EIF4G1: variants seen among roughly 807,000 people sequenced by gnomAD.
EIF4G1 encodes the protein EIF4-gamma.
Under a neutral mutation model 187.8 loss-of-function variants are expected in EIF4G1, and 4 were observed. The ratio of observed to expected loss-of-function variants is 0.02; its 90% CI spans 0.01 to 0.05. EIF4G1 has a LOEUF of 0.05. Ranked by LOEUF, EIF4G1 falls within the 10% of genes least tolerant of loss-of-function variation. EIF4G1 has a pLI of 1.00. For synonymous variants in EIF4G1, 844 were observed against 781.4 expected, an observed-to-expected ratio of 1.08 and a Z score of -1.34; for missense variants, 1,647 against 2,081.1, an observed-to-expected ratio of 0.79 and a Z score of 4.06.
rs780052712 is a variant in EIF4G1, at chr3:184,323,542, G to T, written c.2223G>T (p.Thr741=). The T allele has an allele frequency of 1.5e-5, 25 of 1,614,062 alleles. No individual in the cohort carries two copies. Among genetic ancestry groups the T allele is most frequent in the Non-Finnish European group, 2.0e-5 (24 of 1,180,054 alleles). ...EKAWKPSSKR[T]AADKDRGEED... ...CCTGGAAACCCAGCAGCAAGCGGAC[G>T]GCGGCTGATAAGGATCGAGGGGAAG... The change falls in exon 15 of 33, where the codon ACG becomes ACT. Residue 741 remains threonine, a synonymous_variant. Coordinates refer to ENST00000346169, the MANE Select transcript of EIF4G1 (RefSeq NM_198241.3). The surrounding 1 kb of genome is among the most constrained non-coding windows in gnomAD (Gnocchi z 6.9).
In EIF4G1 at chr3:184,327,434, G is replaced by A. The variant is rs34086109; in HGVS notation, c.3647G>A (p.Arg1216His). Residue 1216 changes from arginine to histidine, a missense_variant, in exon 24 of 33, where the codon CGT becomes CAT. This residue lies in a region of EIF4G1 where 543 missense variants were observed against 638.0 expected (regional missense o/e 0.85). Coordinates refer to ENST00000346169, the MANE Select transcript of EIF4G1 (RefSeq NM_198241.3). Reference sequence around the variant, plus strand: ...GCTAGCCTCACGGAGGATCGGGACCGTGGGCGGGATGCCGGTGAGAGTCTG... The same window carrying A: ...GCTAGCCTCACGGAGGATCGGGACCATGGGCGGGATGCCGGTGAGAGTCTG... ...KAASLTEDRD[R>H]GRDAVKREAA... is the part of the protein sequence containing the mutation. 1,106 of 1,613,540 alleles carry A rather than the reference G, an allele frequency of 6.9e-4. 6 individuals carry two copies. In the African/African-American group the frequency reaches 0.013, roughly 20 times the overall value.
In EIF4G1 at chr3:184,334,989, G is replaced by C. The variant is rs1251477176; in HGVS notation, c.*81G>C. On this transcript the variant is annotated 3_prime_UTR_variant, in exon 33 of 33. Coordinates refer to ENST00000346169, the MANE Select transcript of EIF4G1 (RefSeq NM_198241.3). The surrounding 1 kb of genome is among the most constrained non-coding windows in gnomAD (Gnocchi z 5.8). ...CCGCCTGGACTGCAGGGGGGCGGCAGCAGCGGCGGTGGCAGTGGGTGCCTG... is the reference window on the plus strand; with the variant it reads ...CCGCCTGGACTGCAGGGGGGCGGCACCAGCGGCGGTGGCAGTGGGTGCCTG... 2 of 1,574,492 alleles carry C rather than the reference G, an allele frequency of 1.3e-6. No homozygotes were observed. The highest frequency in any genetic ancestry group is 1.7e-6 in the Non-Finnish European group (2 of 1,154,218).
chr3:184,325,094 C>T lies in EIF4G1; in HGVS notation c.2836C>T (p.Leu946=), dbSNP rs541694718. The T allele has an allele frequency of 6.2e-7, 1 of 1,614,100 alleles. No homozygotes were observed. The highest frequency in any genetic ancestry group is 2.2e-5 in the East Asian group (1 of 44,872). The part of the protein sequence containing the change: ...CRLLTTIGKD[L]DFEKAKPRMD... ...TCTGCTCACCACCATTGGCAAAGAC[C>T]TGGACTTTGAAAAAGCCAAGGTAGA... Residue 946 remains leucine (L), a synonymous_variant, in exon 18 of 33, where the codon CTG becomes TTG. Coordinates refer to ENST00000346169, the MANE Select transcript of EIF4G1 (RefSeq NM_198241.3). The surrounding 1 kb of genome is among the most constrained non-coding windows in gnomAD (Gnocchi z 5.2).
chr3:184,319,546 T>C (rs1478956357), intron 6 of EIF4G1, 143 bp from the exon 7 acceptor site: 12 of 680,316 alleles, frequency 1.8e-5, no homozygotes, highest in Non-Finnish European at 3.0e-5. Context: ...CCTAATTCCC[T>C]GGGGGAGGAG....
intron 6 of EIF4G1, 73 bp downstream of exon 6, chr3:184,317,889 G>T: frequency 8.7e-7 from 1 of 1,150,944 alleles, no homozygotes; most frequent in Non-Finnish European, 1.3e-6. Flanking sequence ...GATTTCTAAA[G>T]CAGAAGACCC....
Position 184,323,275 on chromosome 3 carries a change from A to C in EIF4G1, c.2088+34A>C. 1 of 1,613,564 alleles carries C rather than the reference A, an allele frequency of 6.2e-7. No individual in the cohort carries two copies. Among genetic ancestry groups the C allele is most frequent in the South Asian group, 1.1e-5 (1 of 91,066 alleles). On this transcript the variant is annotated intron_variant, in intron 14 of 32. Transcript: ENST00000346169. This position sits in a 1 kb window ranked among gnomAD's most constrained non-coding sequence, Gnocchi z 6.9. ...GGCTGGGTAAAGTGGCAGGTGGGCA[A>C]GGAGTGGGAGTGGATGATTCCGTGT... is the stretch of plus-strand genomic sequence containing the variant.
At position 184,317,702 on chromosome 3, in the gene EIF4G1, C is replaced by A; in HGVS notation, c.325-15C>A. On this transcript the variant is annotated splice_polypyrimidine_tract_variant and intron_variant, in intron 5 of 32. Coordinates refer to ENST00000346169, the MANE Select transcript of EIF4G1 (RefSeq NM_198241.3). The stretch of plus-strand genomic sequence containing the variant: ...TCCCTCAACTCCTTCTCTCCCTCTC[C>A]CCCTTCCCCACCAGGGGCGTTCCAC... The A allele has an allele frequency of 6.2e-7, 1 of 1,609,406 alleles. No homozygotes were observed. The highest frequency in any genetic ancestry group is 8.5e-7 in the Non-Finnish European group (1 of 1,175,788).
In EIF4G1 at chr3:184,331,139, G is replaced by A. The variant is rs554403298; in HGVS notation, c.4162-127G>A. 33 of 1,000,056 alleles carry A rather than the reference G, an allele frequency of 3.3e-5. No individual in the cohort carries two copies. In the South Asian group the frequency reaches 4.1e-4, roughly 12 times the overall value. 61.9% of individuals were successfully genotyped at this position (1,000,056 alleles called of 1,614,324 possible). ...GGCTTTGCCTATTAGTATTTCTATAGCATCCTTAATGCCTAGCAAGTACCT... is the reference window on the plus strand; with the variant it reads ...GGCTTTGCCTATTAGTATTTCTATAACATCCTTAATGCCTAGCAAGTACCT... On this transcript the variant is annotated intron_variant, in intron 28 of 32. Transcript: ENST00000346169.
In EIF4G1 at chr3:184,323,610, C is replaced by T. The variant is rs182757568; in HGVS notation, c.2274+17C>T. Reference sequence around the variant, plus strand: ...AAAACCCAGGTACTGGCAAGTCCTGCTTTTGGTCTCTCTCCATTTCTTCTC... The same window carrying T: ...AAAACCCAGGTACTGGCAAGTCCTGTTTTTGGTCTCTCTCCATTTCTTCTC... On this transcript the variant is annotated intron_variant, in intron 15 of 32. Transcript: ENST00000346169. The surrounding 1 kb of genome is among the most constrained non-coding windows in gnomAD (Gnocchi z 6.9). 1.1e-4 allele frequency: 171 copies of T among 1,613,794 alleles called. 1 individual carries two copies. In the East Asian group the frequency reaches 3.5e-3, roughly 33 times the overall value.
chr3:184,317,093 G>C (rs1325671376), intron 4 of EIF4G1, among the ~76,000 whole-genome samples: 1 of 152,218 alleles, frequency 6.6e-6, no homozygotes, highest in Non-Finnish European at 1.5e-5. Flanking sequence ...CAGTGAGAGA[G>C]TAAATCTCTG....
chr3:184,327,726 T>C (rs1725211231), intron 25 of EIF4G1, 22 bp downstream of exon 25: 1 of 1,613,652 alleles, frequency 6.2e-7, no homozygotes, highest in Admixed American at 1.7e-5. Context: ...GAGCGGCGTG[T>C]GATTGAGGAG....
At position 184,316,143 on chromosome 3, in the gene EIF4G1, C is replaced by A. The variant is rs1722736854; in HGVS notation, c.72C>A (p.Pro24=). ...TCTCCCCTCTTCAGCCAGCGTTTCCCCCGGGGCAGACAGCGCCGGTGGTGT... is the reference window on the plus strand; with the variant it reads ...TCTCCCCTCTTCAGCCAGCGTTTCCACCGGGGCAGACAGCGCCGGTGGTGT... ...PSPGLPQPAF[P]PGQTAPVVFS... is the part of the protein sequence containing the mutation. The change falls in exon 4 of 33, where the codon CCC becomes CCA. Residue 24 remains proline, a synonymous_variant. Coordinates refer to ENST00000346169, the MANE Select transcript of EIF4G1 (RefSeq NM_198241.3). 1 of 1,614,050 alleles carries A rather than the reference C, an allele frequency of 6.2e-7. No homozygotes were observed. Among genetic ancestry groups the A allele is most frequent in the African/African-American group, 1.3e-5 (1 of 74,934 alleles).
chr3:184,326,833 T>C, intron 22 of EIF4G1, 48 bp from the exon 23 acceptor site: 2 of 1,610,236 alleles, frequency 1.2e-6, no homozygotes, highest in South Asian at 1.1e-5. Context: ...GGGGATAAAA[T>C]GCAGGAAAGG....
Position 184,327,258 on chromosome 3 carries a change from A to T in EIF4G1, c.3471A>T (p.Arg1157=). 6.2e-7 allele frequency: 1 copy of T among 1,613,354 alleles called. No homozygotes were observed. Among genetic ancestry groups the T allele is most frequent in the East Asian group, 2.2e-5 (1 of 44,888 alleles). The change falls in exon 24 of 33, where the codon CGA becomes CGT. Residue 1157 remains arginine, a synonymous_variant. Coordinates refer to ENST00000346169, the MANE Select transcript of EIF4G1 (RefSeq NM_198241.3). ...SRERGEKAGD[R]GDRLERSERG... ...AACGAGGCGAGAAAGCTGGAGACCG[A>T]GGAGACCGCCTAGAGCGGAGTGAAC...
intron 10 of EIF4G1, 34 bp downstream of exon 10, chr3:184,322,137 G>A: frequency 6.2e-7 from 1 of 1,613,974 alleles, no homozygotes; most frequent in Non-Finnish European, 8.5e-7. Context: ...GGTAGGGCGG[G>A]CTAGGGGATA....
Position 184,328,141 on chromosome 3 carries a change from T to C in EIF4G1, c.3953+139T>C, listed in dbSNP as rs1725307894. 63 of 1,013,270 alleles carry C rather than the reference T, an allele frequency of 6.2e-5. 1 individual carries two copies. In the South Asian group the frequency reaches 7.9e-4, roughly 13 times the overall value. 62.8% of individuals were successfully genotyped at this position (1,013,270 alleles called of 1,614,324 possible). On this transcript the variant is annotated intron_variant, in intron 26 of 32. Transcript: ENST00000346169. The stretch of plus-strand genomic sequence containing the variant: ...GCTTATGCCTGTAATCCCTGCACTT[T>C]GGGAGGCCAAGGTGGGTTGGATTCC...
At position 184,323,062 on chromosome 3, in the gene EIF4G1, C is replaced by G. The variant is rs761310317; in HGVS notation, c.1930-21C>G. 7 of 1,614,080 alleles carry G rather than the reference C, an allele frequency of 4.3e-6. No individual in the cohort carries two copies. The African/African-American group carries it at 6.7e-5, about 15-fold the overall frequency. On this transcript the variant is annotated intron_variant, in intron 13 of 32. Transcript: ENST00000346169. This position sits in a 1 kb window ranked among gnomAD's most constrained non-coding sequence, Gnocchi z 6.9. Reference sequence around the variant, plus strand: ...AACCGCTCTAGCCTGCTTCTGAGACCTTTTCCTGTCCTCTTTGCAGGCCAA... The same window carrying G: ...AACCGCTCTAGCCTGCTTCTGAGACGTTTTCCTGTCCTCTTTGCAGGCCAA...
rs373468961 is a variant in EIF4G1, at chr3:184,331,454, G to C, written c.4261-18G>C. 2 of 1,614,098 alleles carry C rather than the reference G, an allele frequency of 1.2e-6. No homozygotes were observed. Among genetic ancestry groups the C allele is most frequent in the African/African-American group, 1.3e-5 (1 of 75,004 alleles). ...GTTGGCAACCTTACCTCTTAACTGC[G>C]GGCCTTTTCCATTGCAGAAGGTGGA... On this transcript the variant is annotated intron_variant, in intron 29 of 32. Coordinates refer to ENST00000346169, the MANE Select transcript of EIF4G1 (RefSeq NM_198241.3).
chr3:184,326,857 A>C, intron 22 of EIF4G1, 24 bp from the exon 23 acceptor site: 1 of 1,613,480 alleles, frequency 6.2e-7, no homozygotes, highest in South Asian at 1.1e-5. Context: ...AAAAGATTTT[A>C]ATACGGATTT....
Sources: allele counts gnomAD v4.1 joint callset (sites outside exome capture counted in the v4.1 genomes callset), GRCh38; gene constraint gnomAD v4.1.1; regional missense constraint gnomAD v4.1.1; non-coding constraint Gnocchi (gnomAD v3.1); transcripts MANE v1.5; gene names NCBI Gene and HGNC (gene_info 2026-07-23, HGNC 2026-07-21).